The following CNTN6 variants were observed in gnomAD, a reference collection of about 807,000 sequenced individuals.
CNTN6 encodes contactin-6.
Under a neutral mutation model 122.8 loss-of-function variants are expected in CNTN6, and 137 were observed. The ratio of observed to expected loss-of-function variants is 1.12; its 90% confidence interval spans 0.97 to 1.29. The LOEUF (loss-of-function observed/expected upper bound fraction) is 1.29. CNTN6 is among the 50% of genes most tolerant of loss of function. The pLI is 0.00. For synonymous variants in CNTN6, 570 were observed against 426.0 expected (o/e 1.34, Z -4.16); for missense variants, 1,634 against 1,223.4 (o/e 1.34, Z -5.01).
chr3:1,169,365 G>A (rs570582267), intron 2 of CNTN6, among the ~76,000 whole-genome samples: 1 of 152,296 alleles, frequency 6.6e-6, no homozygotes, highest in Admixed American at 6.5e-5. Flanking sequence ...GTATTCAACC[G>A]CCTTCCTCAG....
chr3:1,214,744 T>G (rs1004400869), intron 2 of CNTN6, among the ~76,000 whole-genome samples: 3 of 152,142 alleles, frequency 2.0e-5, no homozygotes, highest in African/African-American at 7.2e-5. Flanking sequence ...TATTCTGAGT[T>G]TTCTTTTTTA....
intron 2 of CNTN6, among the ~76,000 whole-genome samples, chr3:1,193,479 T>TA (rs1345325724): frequency 3.3e-5 from 5 of 152,188 alleles, no homozygotes; most frequent in African/African-American, 1.2e-4. Flanking sequence ...ATAGGGTTGA[T>TA]ATAACCATTA....
intron 2 of CNTN6, chr3:1,173,179 G>T (rs1179059809): frequency 2.2e-6 from 1 of 455,966 alleles, no homozygotes; most frequent in South Asian, 1.6e-5. Context: ...CATTTTGAAG[G>T]ATCACTCTAT....
At position 1,385,613 on chromosome 3, in the gene CNTN6, C is replaced by T. The variant is rs775387077; in HGVS notation, c.2520C>T (p.Val840=). ...TTGTTTTGGTTTTTAATTATCAGGT[C>T]TTATACTGGACAGATGACTCCAAAG... ...RNTGRVLGYE[V]LYWTDDSKES... Residue 840 remains valine (V), a splice_region_variant and synonymous_variant, in exon 20 of 23, where the codon GTC becomes GTT. Coordinates refer to ENST00000446702, the MANE Select transcript of CNTN6 (RefSeq NM_001289080.2). 14 of 1,609,812 alleles carry T rather than the reference C, an allele frequency of 8.7e-6. No homozygotes were observed. The highest frequency in any genetic ancestry group is 5.4e-5 in the African/African-American group (4 of 74,758).
intron 2 of CNTN6, among the ~76,000 whole-genome samples, chr3:1,214,780 G>A (rs1395137150): frequency 6.6e-6 from 1 of 152,034 alleles, no homozygotes; most frequent in Non-Finnish European, 1.5e-5. Context: ...TGTGTGTGAT[G>A]GGGTCTTGCT....
chr3:1,359,036 G>C (rs1369361830), intron 12 of CNTN6, among the ~76,000 whole-genome samples: 1 of 152,022 alleles, frequency 6.6e-6, no homozygotes, highest in African/African-American at 2.4e-5. Context: ...CTCCAGCCTA[G>C]GCAATACAGC....
intron 2 of CNTN6, among the ~76,000 whole-genome samples, chr3:1,153,416 A>G (rs2092892632): frequency 6.6e-6 from 1 of 152,194 alleles, no homozygotes; most frequent in Non-Finnish European, 1.5e-5. Flanking sequence ...CATCATTTTT[A>G]TGTAATGTTT....
At chr3:1,175,711 G>A (rs1425759438) in intron 2 of CNTN6, among the ~76,000 whole-genome samples, 1 of 152,198 alleles carries the variant, frequency 6.6e-6, no homozygotes, top group African/African-American at 2.4e-5. Context: ...ACTCTTTGGT[G>A]AATATATTGT....
chr3:1,147,791 G>A, intron 1 of CNTN6, 136 bp from the exon 2 acceptor site: 1 of 399,630 alleles, frequency 2.5e-6, no homozygotes, highest in Non-Finnish European at 4.5e-6. Context: ...TGTATGTGTA[G>A]AAAGCATCCA....
At chr3:1,279,230 A>G (rs1692945808) in intron 5 of CNTN6, among the ~76,000 whole-genome samples, 2 of 152,194 alleles carry the variant, frequency 1.3e-5, no homozygotes, top group South Asian at 4.1e-4. Flanking sequence ...CAGGGATCCA[A>G]ACTACTTACT....
At chr3:1,358,297 A>ATG (rs1706913488) in intron 12 of CNTN6, among the ~76,000 whole-genome samples, 1 of 151,972 alleles carries the variant, frequency 6.6e-6, no homozygotes, top group Admixed American at 6.6e-5. Flanking sequence ...CAAACCTGCA[A>ATG]ACACTTGTGC....
At chr3:1,307,904 T>C (rs1203698340) in intron 7 of CNTN6, among the ~76,000 whole-genome samples, 1 of 152,184 alleles carries the variant, frequency 6.6e-6, no homozygotes, top group Non-Finnish European at 1.5e-5. Flanking sequence ...ATGCTGGCCT[T>C]GATTACCTGG....
intron 11 of CNTN6, among the ~76,000 whole-genome samples, chr3:1,340,662 C>T (rs1426387525): frequency 2.6e-5 from 4 of 152,132 alleles, no homozygotes; most frequent in Admixed American, 2.6e-4. Flanking sequence ...GGTTGGTCCC[C>T]TATTCTCAGC....
At chr3:1,270,281 C>T (rs1293934753) in intron 4 of CNTN6, among the ~76,000 whole-genome samples, 2 of 152,108 alleles carry the variant, frequency 1.3e-5, no homozygotes, top group Non-Finnish European at 2.9e-5. Context: ...GAAATAGCAA[C>T]ATGAACAATT....
chr3:1,157,866 C>T (rs62229386), intron 2 of CNTN6, among the ~76,000 whole-genome samples: 19,673 of 152,108 alleles, frequency 0.13, 1,389 homozygotes, highest in African/African-American at 0.16. Flanking sequence ...ATTTTGCATA[C>T]GCACCACATT....
At chr3:1,132,924 A>G (rs1232310887) in intron 1 of CNTN6, among the ~76,000 whole-genome samples, 1 of 152,132 alleles carries the variant, frequency 6.6e-6, no homozygotes, top group African/African-American at 2.4e-5. Context: ...CAATAACTCA[A>G]AATTATTATT....
chr3:1,202,565 A>C (rs1461659847), intron 2 of CNTN6, among the ~76,000 whole-genome samples: 11 of 150,534 alleles, frequency 7.3e-5, no homozygotes, highest in East Asian at 1.9e-4. Flanking sequence ...TAAATAAATA[A>C]ATAAATAAAT....
At chr3:1,158,851 TAC>T (rs1559422254) in intron 2 of CNTN6, among the ~76,000 whole-genome samples, 1 of 83,904 alleles carries the variant, frequency 1.2e-5, no homozygotes, top group African/African-American at 5.4e-5. Flanking sequence ...TATATATACA[TAC>T]ATATATATAC....
chr3:1,230,314 G>T (rs563046098), intron 4 of CNTN6, among the ~76,000 whole-genome samples: 2 of 152,200 alleles, frequency 1.3e-5, no homozygotes, highest in South Asian at 2.1e-4. Context: ...AAATCTATAC[G>T]ATGAGGATAC....
Sources: gnomAD v4.1 joint callset for allele counts (sites outside exome capture counted in the v4.1 genomes callset) on GRCh38, gnomAD v4.1.1 for gene constraint, MANE v1.5 for transcripts, NCBI Gene and HGNC (gene_info 2026-07-23, HGNC 2026-07-21) for gene names.